Variants in ASCC1 observed in about 807,000 individuals in gnomAD.
ASCC1 encodes the protein ASC-1 complex subunit P50.
In ASCC1, 35 loss-of-function variants were observed where a neutral mutation model predicts 46.6. That is an observed-to-expected ratio of 0.75 (90% CI 0.57 to 0.99). ASCC1 has a LOEUF of 0.99. Ranked by LOEUF, ASCC1 falls within the 50% of genes least tolerant of loss-of-function variation. The pLI is 0.00. For missense variants in ASCC1, 376 were observed against 428.7 expected, an observed-to-expected ratio of 0.88 and a Z score of 1.09; for synonymous variants, 143 against 146.6, an observed-to-expected ratio of 0.98 and a Z score of 0.18.
Position 72,097,150 on chromosome 10 carries a change from C to T in ASCC1, c.*184G>A, listed in dbSNP as rs1284799694. On this transcript the variant is annotated 3_prime_UTR_variant, in exon 10 of 10. Transcript: ENST00000672957. The stretch of plus-strand genomic sequence containing the variant: ...TAGGCACAAATTCTCCTTATGCCCA[C>T]CACCATCTCAGCTGGTAGTATGACG... 3 of 693,228 alleles carry T rather than the reference C, an allele frequency of 4.3e-6. No individual in the cohort carries two copies. Among genetic ancestry groups the T allele is most frequent in the Non-Finnish European group, 8.1e-6 (3 of 371,570 alleles). The allele number at this position is 693,228 out of a possible 1,614,324, so 42.9% of individuals were successfully genotyped here.
At chr10:72,172,290 C>T (rs1366123707) in intron 5 of ASCC1, among the ~76,000 whole-genome samples, 1 of 151,602 alleles carries the variant, frequency 6.6e-6, no homozygotes, top group African/African-American at 2.4e-5. Context: ...TGGTGCACAA[C>T]TGTAATCCCA....
chr10:72,213,354 T>C, intron 1 of ASCC1, 23 bp from the exon 2 acceptor site: 3 of 1,294,208 alleles, frequency 2.3e-6, no homozygotes, highest in Non-Finnish European at 3.4e-6. Flanking sequence ...ATTACCATCT[T>C]ACCTTTCTTA....
intron 7 of ASCC1, among the ~76,000 whole-genome samples, chr10:72,140,585 A>G (rs547798289): frequency 6.6e-6 from 1 of 152,346 alleles, no homozygotes; most frequent in East Asian, 1.9e-4. Flanking sequence ...GCAGAAATAT[A>G]TGTGTAATGT....
intron 7 of ASCC1, among the ~76,000 whole-genome samples, chr10:72,151,663 T>C (rs1384422472): frequency 6.6e-6 from 1 of 152,166 alleles, no homozygotes; most frequent in Non-Finnish European, 1.5e-5. Flanking sequence ...TTTTAAGCAT[T>C]TTAAATAATT....
At chr10:72,099,367 A>T (rs1275231063) in intron 9 of ASCC1, among the ~76,000 whole-genome samples, 1 of 152,264 alleles carries the variant, frequency 6.6e-6, no homozygotes, top group Non-Finnish European at 1.5e-5. Context: ...AACTAAACAT[A>T]AATTCTCACA....
In ASCC1 at chr10:72,118,191, G is replaced by C. The variant is rs369014699; in HGVS notation, c.957+9891C>G. Among the ~76,000 whole-genome samples, 135 of 151,444 alleles carry C rather than the reference G, an allele frequency of 8.9e-4. 2 individuals are homozygous for C. The highest frequency in any genetic ancestry group is 3.2e-3 in the African/African-American group (131 of 41,338). On this transcript the variant is annotated intron_variant, in intron 9 of 9. Transcript: ENST00000672957. ...GACCATCCTGGCTAACACGGTGAAA[G>C]CCTATCTCTACTAAAAATACAAAAA...
intron 2 of ASCC1, among the ~76,000 whole-genome samples, chr10:72,212,897 CTTAA>C (rs1270040089): frequency 6.6e-6 from 1 of 152,006 alleles, no homozygotes; most frequent in African/African-American, 2.4e-5. Flanking sequence ...TACAACGGAA[CTTAA>C]TTTTGTCATA....
rs1841115922 is a variant in ASCC1 at position 72,096,572 on chromosome 10, G to C, written c.*762C>G. On this transcript the variant is annotated 3_prime_UTR_variant, in exon 10 of 10. Transcript: ENST00000672957. Reference sequence around the variant, plus strand: ...TTTTGCTAAAGATAAAACTCTGGGTGGTAAAGGAATTAAAGGCAGAGTCTC... The same window carrying C: ...TTTTGCTAAAGATAAAACTCTGGGTCGTAAAGGAATTAAAGGCAGAGTCTC... The C allele has an allele frequency of 2.2e-6, 1 of 453,724 alleles. No individual in the cohort carries two copies. The highest frequency in any genetic ancestry group is 4.4e-6 in the Non-Finnish European group (1 of 226,684). 28.1% of individuals were successfully genotyped at this position (453,724 alleles called of 1,614,324 possible). A position where few individuals can be genotyped will look rare whatever the true frequency, so the allele number is the denominator to read the frequency against.
chr10:72,197,221 C>T (rs1855570196), intron 4 of ASCC1, among the ~76,000 whole-genome samples: 1 of 152,044 alleles, frequency 6.6e-6, no homozygotes, highest in African/African-American at 2.4e-5. Context: ...CCTGTAATCC[C>T]AGCACTTTGG....
chr10:72,165,370 C>T (rs1275541931), intron 5 of ASCC1, among the ~76,000 whole-genome samples: 1 of 152,218 alleles, frequency 6.6e-6, no homozygotes, highest in African/African-American at 2.4e-5. Flanking sequence ...CCCGCCTCAG[C>T]CTCCCAAAGT....
chr10:72,176,427 T>A (rs1391594785), intron 5 of ASCC1, among the ~76,000 whole-genome samples: 2 of 152,098 alleles, frequency 1.3e-5, no homozygotes, highest in Non-Finnish European at 2.9e-5. Flanking sequence ...CTGTAACCTC[T>A]ATCTCTGGAC....
intron 5 of ASCC1, among the ~76,000 whole-genome samples, chr10:72,167,730 G>A (rs1850545873): frequency 6.6e-6 from 1 of 150,730 alleles, no homozygotes; most frequent in Non-Finnish European, 1.5e-5. Context: ...TCAAACTCCT[G>A]GCCTCAAGCG....
intron 9 of ASCC1, among the ~76,000 whole-genome samples, chr10:72,116,426 A>T (rs1843499340): frequency 6.6e-6 from 1 of 152,228 alleles, no homozygotes; most frequent in Non-Finnish European, 1.5e-5. Context: ...AGCTCACTTA[A>T]CAGAGTTCCT....
chr10:72,133,309 G>C (rs1845818028), intron 7 of ASCC1, 128 bp from the exon 8 acceptor site: 2 of 923,290 alleles, frequency 2.2e-6, no homozygotes, highest in Non-Finnish European at 3.4e-6. Context: ...CATCACAGGA[G>C]GAAGAATAAG....
chr10:72,173,994 G>A (rs758610437), intron 5 of ASCC1, among the ~76,000 whole-genome samples: 4 of 152,234 alleles, frequency 2.6e-5, no homozygotes, highest in South Asian at 2.1e-4. Context: ...ATTTCCTGGG[G>A]CAGTTTTGTT....
chr10:72,148,256 T>C (rs1329582736), intron 7 of ASCC1, among the ~76,000 whole-genome samples: 1 of 152,182 alleles, frequency 6.6e-6, no homozygotes, highest in Non-Finnish European at 1.5e-5. Context: ...CAGTTCAAGC[T>C]GTGTTCCTTT....
intron 9 of ASCC1, among the ~76,000 whole-genome samples, chr10:72,127,777 G>A (rs187236092): frequency 1.7e-3 from 248 of 149,526 alleles, no homozygotes; most frequent in African/African-American, 6.0e-3. Flanking sequence ...GACCACTTGA[G>A]CCCAGGAGGT....
chr10:72,172,991 TTA>T (rs952293657), intron 5 of ASCC1, among the ~76,000 whole-genome samples: 28 of 141,950 alleles, frequency 2.0e-4, no homozygotes, highest in South Asian at 8.4e-4. Context: ...TATTTTTATA[TTA>T]TATATATATT....
At chr10:72,189,841 C>A in intron 5 of ASCC1, 4 of 463,800 alleles carry the variant, frequency 8.6e-6, no homozygotes, top group South Asian at 2.5e-5. Flanking sequence ...AGACATGAAC[C>A]ATTGTTCTAT....
Sources: gnomAD v4.1 joint callset for allele counts (sites outside exome capture counted in the v4.1 genomes callset) on GRCh38, gnomAD v4.1.1 for gene constraint, MANE v1.5 for transcripts, NCBI Gene and HGNC (gene_info 2026-07-23, HGNC 2026-07-21) for gene names.